Variants in PGAP6 observed in about 807,000 individuals in gnomAD.
PGAP6 encodes the protein post-GPI attachment to proteins factor 6.
In PGAP6, 62 loss-of-function variants were observed where a neutral mutation model predicts 68.4. The ratio of observed to expected loss-of-function variants is 0.91; its 90% CI spans 0.74 to 1.12. PGAP6 has a LOEUF of 1.12. PGAP6 is among the 50% of genes most tolerant of loss of function. The probability of loss-of-function intolerance (pLI) is 0.00; values close to 1 mark genes in which losing one functional copy is unlikely to be tolerated. For synonymous variants in PGAP6, 575 were observed against 474.0 expected, an observed-to-expected ratio of 1.21 and a Z score of -2.77; for missense variants, 1,188 against 1,068.5, an observed-to-expected ratio of 1.11 and a Z score of -1.56.
At position 375,412 on chromosome 16, in the gene PGAP6, G is replaced by A. The variant is rs201636490; in HGVS notation, c.1248C>T (p.Val416=). The A allele has an allele frequency of 1.2e-5, 20 of 1,612,642 alleles. No homozygotes were observed. Among genetic ancestry groups the A allele is most frequent in the African/African-American group, 5.3e-5 (4 of 75,034 alleles). The part of the protein sequence containing the change: ...ANKTEMRNET[V]VVACVNAASP... ...AGGCAGCATTCACGCAGGCCACTACGACGGTCTCGTTCCGCATCTCTGTCT... is the reference window on the plus strand; with the variant it reads ...AGGCAGCATTCACGCAGGCCACTACAACGGTCTCGTTCCGCATCTCTGTCT... The change falls in exon 7 of 13, where the codon GTC becomes GTT. Residue 416 remains valine (V), a synonymous_variant. Coordinates refer to ENST00000431232, the MANE Select transcript of PGAP6 (RefSeq NM_021259.3).
intron 1 of PGAP6, among the ~76,000 whole-genome samples, chr16:380,224 G>A (rs903698281): frequency 6.6e-6 from 1 of 152,164 alleles, no homozygotes; most frequent in Non-Finnish European, 1.5e-5. Flanking sequence ...ACGGAGTAAG[G>A]TTTTGGTATT....
intron 11 of PGAP6, among the ~76,000 whole-genome samples, 196 bp downstream of exon 11, chr16:373,809 A>AGGTGTGAGCCCATGCTCGGCAG (rs71376573): frequency 2.0e-5 from 3 of 151,740 alleles, no homozygotes; most frequent in African/African-American, 4.8e-5. Flanking sequence ...ATGCTCGGCC[A>AGGTGTGAGCCCATGCTCGGCAG]AGGCATTACA....
At chr16:375,533 C>CTT (rs373943287) in intron 6 of PGAP6, 98 bp from the exon 7 acceptor site, 9,705 of 743,536 alleles carry the variant, frequency 0.013, 29 homozygotes, top group Middle Eastern at 0.04. Flanking sequence ...TGGTGCCTTT[C>CTT]TTTTTTTTTT....
chr16:382,093 G>GC (rs1567327418), upstream of PGAP6: 2 of 364,644 alleles, frequency 5.5e-6, no homozygotes, highest in Non-Finnish European at 9.6e-6. Context: ...GCGCCGGTAG[G>GC]GGGGAGGGGT....
chr16:373,728 C>T (rs936920523), intron 11 of PGAP6, among the ~76,000 whole-genome samples: 2 of 152,210 alleles, frequency 1.3e-5, no homozygotes, highest in Non-Finnish European at 2.9e-5. Context: ...TTTGTACAGC[C>T]CAGGCTGCTC....
In PGAP6 at chr16:374,838, A is replaced by G. The variant is rs750738496; in HGVS notation, c.1494T>C (p.Cys498=). The change falls in exon 9 of 13, where the codon TGT becomes TGC. Residue 498 remains cysteine (C), a synonymous_variant. Coordinates refer to ENST00000431232, the MANE Select transcript of PGAP6 (RefSeq NM_021259.3). ...HVETTLYLVP[C]LNDCGPYGQC... is the part of the protein sequence containing the mutation. Reference sequence around the variant, plus strand: ...GGCCATAGGGTCCACAATCGTTCAAACAGGGCACCAGGTACAAGGTGGTCT... The same window carrying G: ...GGCCATAGGGTCCACAATCGTTCAAGCAGGGCACCAGGTACAAGGTGGTCT... The G allele has an allele frequency of 1.2e-6, 2 of 1,612,884 alleles. No homozygotes were observed. Among genetic ancestry groups the G allele is most frequent in the African/African-American group, 2.7e-5 (2 of 74,936 alleles).
At position 380,852 on chromosome 16, in the gene PGAP6, C is replaced by G. The variant is rs1464527222; in HGVS notation, c.121+849G>C. ...CGGGGAACAGCACCGCATCAGCTGC[C>G]GGGCACCTGGGCACCCGCGTGGCTG... On this transcript the variant is annotated intron_variant, in intron 1 of 12. Coordinates refer to ENST00000431232, the MANE Select transcript of PGAP6 (RefSeq NM_021259.3). Among the ~76,000 whole-genome samples the G allele has an allele frequency of 3.9e-5, 6 of 152,192 alleles. No individual in the cohort carries two copies. In the East Asian group the frequency reaches 1.2e-3, roughly 30 times the overall value.
intron 9 of PGAP6, 69 bp downstream of exon 9, chr16:374,687 A>G: frequency 6.3e-7 from 1 of 1,588,190 alleles, no homozygotes; most frequent in Non-Finnish European, 8.6e-7. Flanking sequence ...CCCCCAGGGG[A>G]AAGGCACAGC....
In PGAP6 at chr16:371,645, G is replaced by A; in HGVS notation, c.*342C>T. 2 of 304,478 alleles carry A rather than the reference G, an allele frequency of 6.6e-6. No individual in the cohort carries two copies. Among genetic ancestry groups the A allele is most frequent in the Non-Finnish European group, 1.3e-5 (2 of 159,214 alleles). The allele number at this position is 304,478 out of a possible 1,614,324, so 18.9% of individuals were successfully genotyped here. ...TCGCCAGGGAACAGGACCATAGGGA[G>A]TCCTTCTCCCCATCTCTAGCCACCC... On this transcript the variant is annotated 3_prime_UTR_variant, in exon 13 of 13. Coordinates refer to ENST00000431232, the MANE Select transcript of PGAP6 (RefSeq NM_021259.3).
upstream of PGAP6, among the ~76,000 whole-genome samples, chr16:384,040 C>T (rs1448559175): frequency 6.6e-6 from 1 of 152,212 alleles, no homozygotes; most frequent in African/African-American, 2.4e-5. Context: ...CAGGGGTTCT[C>T]ATTTTAAAGG....
In PGAP6 at chr16:375,365, G is replaced by A. The variant is rs749709244; in HGVS notation, c.1295C>T (p.Thr432Ile). ...CATACCTGTGGTGCAGTTGAGCGAAGTATTGAAGCCAAGGAAGGGCGAGGC... is the reference window on the plus strand; with the variant it reads ...CATACCTGTGGTGCAGTTGAGCGAAATATTGAAGCCAAGGAAGGGCGAGGC... ...NAASPFLGFN[T>I]SLNCTTAFFQ... Residue 432 changes from threonine to isoleucine, a missense_variant, in exon 7 of 13, where the codon ACT becomes ATT. Coordinates refer to ENST00000431232, the MANE Select transcript of PGAP6 (RefSeq NM_021259.3). 8.1e-6 allele frequency: 13 copies of A among 1,612,864 alleles called. No individual in the cohort carries two copies. Among genetic ancestry groups the A allele is most frequent in the Non-Finnish European group, 1.1e-5 (13 of 1,179,962 alleles).
chr16:373,960 G>C, intron 11 of PGAP6, 45 bp downstream of exon 11: 1 of 1,550,254 alleles, frequency 6.5e-7, no homozygotes, highest in Non-Finnish European at 8.7e-7. Flanking sequence ...GCACTTGGGG[G>C]CCCTGCTCCC....
intron 1 of PGAP6, among the ~76,000 whole-genome samples, chr16:379,734 G>C (rs536191070): frequency 5.3e-5 from 8 of 152,334 alleles, no homozygotes; most frequent in Admixed American, 5.2e-4. Flanking sequence ...ATCTGTTCAA[G>C]GTTGTCCTAA....
rs1266493857 is a variant in PGAP6 at position 381,926 on chromosome 16, T to C, written c.-105A>G. ...CCTCCGCCTCTGCCGCCTCCGCCTC[T>C]GCCCCCGGCGCCCATGGCCCGGCCG... On this transcript the variant is annotated 5_prime_UTR_variant, in exon 1 of 13. Coordinates refer to ENST00000431232, the MANE Select transcript of PGAP6 (RefSeq NM_021259.3). 1 of 969,622 alleles carries C rather than the reference T, an allele frequency of 1.0e-6. No individual in the cohort carries two copies. Among genetic ancestry groups the C allele is most frequent in the Non-Finnish European group, 1.2e-6 (1 of 819,024 alleles). The allele number at this position is 969,622 out of a possible 1,614,324, so 60.1% of individuals were successfully genotyped here.
At chr16:375,093 C>T (rs754296020) in intron 8 of PGAP6, 40 bp downstream of exon 8, 32 of 1,606,538 alleles carry the variant, frequency 2.0e-5, no homozygotes, top group Non-Finnish European at 2.6e-5. Context: ...AGTGAAATGA[C>T]AGGGTGCCTG....
chr16:385,769 C>T (rs895942551), upstream of PGAP6, among the ~76,000 whole-genome samples: 10 of 151,408 alleles, frequency 6.6e-5, no homozygotes, highest in African/African-American at 9.7e-5. Flanking sequence ...GGACTACAGG[C>T]GCCTGCCAAC....
At chr16:374,518 C>T (rs1341372643) in intron 9 of PGAP6, 119 bp from the exon 10 acceptor site, 9 of 1,251,258 alleles carry the variant, frequency 7.2e-6, no homozygotes, top group South Asian at 4.7e-5. Context: ...AGGGTAGGCA[C>T]GGCGGGCGGG....
rs549720498 is a variant in PGAP6 at position 377,402 on chromosome 16, G to T, written c.483C>A (p.Pro161=). ...GDWFVAAHLP[P]SSQKIELKGL... Reference sequence around the variant, plus strand: ...CCTTCAACTCGATCTTCTGGGATGAGGGGGGCAGGTGGGCGGCCACGAACC... The same window carrying T: ...CCTTCAACTCGATCTTCTGGGATGATGGGGGCAGGTGGGCGGCCACGAACC... Residue 161 remains proline (P), a synonymous_variant, in exon 3 of 13, where the codon CCC becomes CCA. Transcript: ENST00000431232. 9.4e-6 allele frequency: 15 copies of T among 1,603,342 alleles called. No individual in the cohort carries two copies. In the South Asian group the frequency reaches 1.6e-4, roughly 17 times the overall value.
At chr16:382,104 C>A, upstream of PGAP6, 1 of 340,064 alleles carries the variant, frequency 2.9e-6, no homozygotes, top group South Asian at 1.5e-4. Flanking sequence ...GGGGAGGGGT[C>A]ACGTGGGGCG....
Sources: gnomAD v4.1 joint callset for allele counts (sites outside exome capture counted in the v4.1 genomes callset) on GRCh38, gnomAD v4.1.1 for gene constraint, MANE v1.5 for transcripts, NCBI Gene and HGNC (gene_info 2026-07-23, HGNC 2026-07-21) for gene names.